The following PPP1R9A variants were observed in gnomAD, a reference collection of about 807,000 sequenced individuals.
PPP1R9A encodes protein phosphatase 1 regulatory subunit 9A, also known as neurabin-1.
A neutral mutation model predicts 141.9 loss-of-function variants in PPP1R9A; 59 were observed. The observed-to-expected ratio is 0.42, with a 90% CI of 0.34 to 0.52. PPP1R9A has a LOEUF of 0.52. PPP1R9A is among the 20% of genes least tolerant of loss of function. The pLI, the probability that PPP1R9A is intolerant of heterozygous loss-of-function variation, is 0.10. For synonymous variants in PPP1R9A, 500 were observed against 569.7 expected, an observed-to-expected ratio of 0.88 and a Z score of 1.74; for missense variants, 1,444 against 1,611.9, an observed-to-expected ratio of 0.90 and a Z score of 1.78.
chr7:95,140,482 C>T (rs1254907019), intron 4 of PPP1R9A, among the ~76,000 whole-genome samples: 1 of 152,198 alleles, frequency 6.6e-6, no homozygotes, highest in Non-Finnish European at 1.5e-5. Context: ...CCTTTGCCTC[C>T]TGGGTTCAAG....
chr7:95,155,018 TATCATTATC>T (rs1420804179), intron 4 of PPP1R9A: 1 of 152,076 alleles, frequency 6.6e-6, no homozygotes, highest in Non-Finnish European at 1.5e-5. Flanking sequence ...GCATGGGGAT[TATCATTATC>T]ATCATTATCA....
At chr7:94,915,067 G>T (rs535853212) in intron 2 of PPP1R9A, among the ~76,000 whole-genome samples, 2 of 152,240 alleles carry the variant, frequency 1.3e-5, no homozygotes, top group South Asian at 2.1e-4. Flanking sequence ...ATCTGAAAAA[G>T]ATTTTTCTAA....
At chr7:95,193,687 T>A (rs955990609) in intron 5 of PPP1R9A, among the ~76,000 whole-genome samples, 1 of 152,084 alleles carries the variant, frequency 6.6e-6, no homozygotes, top group African/African-American at 2.4e-5. Flanking sequence ...ATTTATTATA[T>A]AACCTGTTAT....
intron 2 of PPP1R9A, among the ~76,000 whole-genome samples, chr7:94,928,438 T>C (rs1307625352): frequency 6.6e-6 from 1 of 152,174 alleles, no homozygotes; most frequent in Non-Finnish European, 1.5e-5. Context: ...GATCCATTGG[T>C]CCCCCATTTT....
At chr7:94,953,263 G>T (rs565738858) in intron 2 of PPP1R9A, among the ~76,000 whole-genome samples, 1 of 152,290 alleles carries the variant, frequency 6.6e-6, no homozygotes, top group South Asian at 2.1e-4. Flanking sequence ...AGATCAGATG[G>T]TTGTAGATGT....
chr7:95,066,978 G>A (rs1354305083), intron 2 of PPP1R9A, among the ~76,000 whole-genome samples: 1 of 152,194 alleles, frequency 6.6e-6, no homozygotes, highest in Non-Finnish European at 1.5e-5. Context: ...TAATGGTTGG[G>A]AAATCTGGAT....
intron 2 of PPP1R9A, among the ~76,000 whole-genome samples, chr7:95,097,627 C>T (rs768404735): frequency 2.6e-5 from 4 of 152,136 alleles, no homozygotes; most frequent in Admixed American, 1.3e-4. Flanking sequence ...TTTTGAAGTA[C>T]AATATGTCCT....
chr7:95,266,297 G>A lies in PPP1R9A; in HGVS notation c.2666-2253G>A, dbSNP rs572533392. 3.3e-5 allele frequency among the ~76,000 whole-genome samples: 5 copies of A among 151,666 alleles called. No individual in the cohort carries two copies. The South Asian group carries it at 8.4e-4, about 25-fold the overall frequency. On this transcript the variant is annotated intron_variant, in intron 12 of 19. Coordinates refer to ENST00000433360, the MANE Select transcript of PPP1R9A (RefSeq NM_001166160.2). ...ACCAAAATAAAAAATCATCCAGGAAGTAATTTATTCTATACTTTTCAACAT... is the reference window on the plus strand; with the variant it reads ...ACCAAAATAAAAAATCATCCAGGAAATAATTTATTCTATACTTTTCAACAT...
At chr7:95,251,513 G>A (rs1798869647) in intron 10 of PPP1R9A, among the ~76,000 whole-genome samples, 1 of 152,030 alleles carries the variant, frequency 6.6e-6, no homozygotes, top group African/African-American at 2.4e-5. Context: ...AATATGTATG[G>A]GTGTTCTAGA....
chr7:95,255,356 C>T (rs562293093), intron 12 of PPP1R9A, among the ~76,000 whole-genome samples: 1 of 151,980 alleles, frequency 6.6e-6, no homozygotes, highest in Admixed American at 6.6e-5. Flanking sequence ...ATTTTGAAGG[C>T]TGGTTTGCTA....
At chr7:95,260,670 C>CT (rs1800293034) in intron 12 of PPP1R9A, among the ~76,000 whole-genome samples, 1 of 118,454 alleles carries the variant, frequency 8.4e-6, no homozygotes, top group Admixed American at 8.3e-5. Context: ...GAGCAAGACT[C>CT]TGACTCAAAA....
At chr7:95,271,770 A>G (rs1191371761) in intron 14 of PPP1R9A, among the ~76,000 whole-genome samples, 2 of 152,176 alleles carry the variant, frequency 1.3e-5, no homozygotes, top group Non-Finnish European at 2.9e-5. Flanking sequence ...TCAGATGTAT[A>G]ATTGGTCACA....
At chr7:95,243,451 A>G (rs1797729178) in intron 8 of PPP1R9A, among the ~76,000 whole-genome samples, 1 of 152,160 alleles carries the variant, frequency 6.6e-6, no homozygotes, top group South Asian at 2.1e-4. Flanking sequence ...CATTAATAAT[A>G]ACAGCAGCTG....
At chr7:94,952,940 G>A (rs766262742) in intron 2 of PPP1R9A, among the ~76,000 whole-genome samples, 18 of 152,150 alleles carry the variant, frequency 1.2e-4, no homozygotes, top group Non-Finnish European at 2.1e-4. Context: ...TCCTTTTGCT[G>A]TGCAGAAGCT....
intron 5 of PPP1R9A, among the ~76,000 whole-genome samples, chr7:95,196,648 T>C (rs1836325155): frequency 6.6e-6 from 1 of 152,140 alleles, no homozygotes; most frequent in Admixed American, 6.6e-5. Flanking sequence ...AACTGATACT[T>C]ACAGCAACAT....
chr7:95,013,646 A>T (rs1343468561), intron 2 of PPP1R9A, among the ~76,000 whole-genome samples: 1 of 152,164 alleles, frequency 6.6e-6, no homozygotes, highest in African/African-American at 2.4e-5. Flanking sequence ...TTAGTAACAT[A>T]TACTTTTTTC....
At chr7:94,975,356 G>GTTTTTTTTTTTT (rs68186534) in intron 2 of PPP1R9A, among the ~76,000 whole-genome samples, 6 of 120,758 alleles carry the variant, frequency 5.0e-5, no homozygotes, top group African/African-American at 5.8e-5. Flanking sequence ...GTTTTTTTTT[G>GTTTTTTTTTTTT]TTTTTTTTTT....
rs117641601 is a variant in PPP1R9A at position 94,988,559 on chromosome 7, T to C, written c.1395+77051T>C. ...TAGGCTAAATAATTCCTAGTGAGTA[T>C]AGAAACAGAATTTGAGTGTCTGAAT... is the stretch of plus-strand genomic sequence containing the variant. On this transcript the variant is annotated intron_variant, in intron 2 of 19. Transcript: ENST00000433360. Among the ~76,000 whole-genome samples, 7 of 152,176 alleles carry C rather than the reference T, an allele frequency of 4.6e-5. No individual in the cohort carries two copies. In the East Asian group the frequency reaches 1.2e-3, roughly 25 times the overall value.
intron 2 of PPP1R9A, among the ~76,000 whole-genome samples, chr7:95,022,946 T>C (rs1335017257): frequency 6.6e-6 from 1 of 152,204 alleles, no homozygotes. Flanking sequence ...TTTTCTTTTT[T>C]GTTGTGTCTC....
Sources: allele counts gnomAD v4.1 joint callset (sites outside exome capture counted in the v4.1 genomes callset), GRCh38; gene constraint gnomAD v4.1.1; transcripts MANE v1.5; gene names NCBI Gene and HGNC (gene_info 2026-07-23, HGNC 2026-07-21).